Variants in PKHD1L1 observed in about 807,000 individuals in gnomAD.
PKHD1L1 encodes the protein PKHD1 like 1.
A neutral mutation model predicts 462.9 loss-of-function variants in PKHD1L1; 434 were observed. The observed-to-expected ratio is 0.94, with a 90% confidence interval of 0.87 to 1.02. The LOEUF is 1.02. Among genes scored for constraint, PKHD1L1 ranks in the 50% least tolerant of loss-of-function variants. The pLI is 0.00. For missense variants in PKHD1L1, 5,202 were observed against 5,096.1 expected (o/e 1.02, Z -0.63); for synonymous variants, 1,781 against 1,750.0 (o/e 1.02, Z -0.44).
intron 50 of PKHD1L1, chr8:109,470,126 G>A (rs1315559020): frequency 7.0e-6 from 4 of 569,310 alleles, no homozygotes; most frequent in African/African-American, 3.8e-5. Context: ...ACATAATAAA[G>A]TATATATTCC....
chr8:109,401,331 T>A (rs1010899242), intron 13 of PKHD1L1, among the ~76,000 whole-genome samples, 166 bp from the exon 14 acceptor site: 8 of 152,074 alleles, frequency 5.3e-5, no homozygotes, highest in Non-Finnish European at 1.0e-4. Context: ...AAAAAAAATT[T>A]ATAGCATAGT....
At chr8:109,440,929 T>C (rs1009882611) in intron 33 of PKHD1L1, 77 bp downstream of exon 33, 49 of 1,466,748 alleles carry the variant, frequency 3.3e-5, no homozygotes, top group Non-Finnish European at 3.9e-5. Context: ...TGAGTTATTA[T>C]ATGAATATTC....
At chr8:109,496,093 A>T (rs1251090420) in intron 63 of PKHD1L1, among the ~76,000 whole-genome samples, 1 of 152,220 alleles carries the variant, frequency 6.6e-6, no homozygotes, top group East Asian at 1.9e-4. Flanking sequence ...AACTTTCCCA[A>T]GATAATGCAT....
intron 71 of PKHD1L1, among the ~76,000 whole-genome samples, chr8:109,514,265 T>G (rs1245160993): frequency 6.6e-6 from 1 of 152,180 alleles, no homozygotes; most frequent in Non-Finnish European, 1.5e-5. Flanking sequence ...TCACGCCTCC[T>G]TGCTTGGCTC....
At chr8:109,404,735 T>C in intron 15 of PKHD1L1, 22 bp downstream of exon 15, 5 of 1,570,204 alleles carry the variant, frequency 3.2e-6, no homozygotes, top group Non-Finnish European at 4.3e-6. Context: ...TTGCAGTTCC[T>C]CTTACAGAAA....
chr8:109,475,296 A>T, intron 51 of PKHD1L1, 27 bp downstream of exon 51: 1 of 1,528,508 alleles, frequency 6.5e-7, no homozygotes, highest in South Asian at 1.2e-5. Flanking sequence ...TCTAATGATT[A>T]TAATTGTGTA....
chr8:109,384,930 C>A (rs1251052850), intron 5 of PKHD1L1, among the ~76,000 whole-genome samples: 1 of 151,710 alleles, frequency 6.6e-6, no homozygotes, highest in Non-Finnish European at 1.5e-5. Flanking sequence ...CTTTATATAT[C>A]CTTAAAAAAG....
At chr8:109,455,778 A>G (rs891168771) in intron 45 of PKHD1L1, among the ~76,000 whole-genome samples, 1 of 152,182 alleles carries the variant, frequency 6.6e-6, no homozygotes, top group African/African-American at 2.4e-5. Context: ...GCAATAATCT[A>G]TCCCCTTTAT....
Position 109,433,228 on chromosome 8 carries a change from TA to T in PKHD1L1, c.3340+17del, listed in dbSNP as rs1295621094. 10 of 1,556,726 alleles carry T rather than the reference TA, an allele frequency of 6.4e-6. No homozygotes were observed. The highest frequency in any genetic ancestry group is 8.8e-6 in the Non-Finnish European group (10 of 1,131,446). ...TCTTTCTGTGGATGGTAGGTCCTTTTAAAAACTATTAAGTCTAATTGTTCTT... is the reference window on the plus strand; with the variant it reads ...TCTTTCTGTGGATGGTAGGTCCTTTTAAAACTATTAAGTCTAATTGTTCTT... On this transcript the variant is annotated intron_variant, in intron 28 of 77. Coordinates refer to ENST00000378402, the MANE Select transcript of PKHD1L1 (RefSeq NM_177531.6).
rs1783146 is a variant in PKHD1L1, at chr8:109,461,418, G to A, written c.7247-354G>A. On this transcript the variant is annotated intron_variant, in intron 47 of 77. Coordinates refer to ENST00000378402, the MANE Select transcript of PKHD1L1 (RefSeq NM_177531.6). ...TAAGTGACATAATGCATATTCTCAT[G>A]TTCTACAAATATAAAATTGCATTGA... Among the ~76,000 whole-genome samples, 13 of 152,214 alleles carry A rather than the reference G, an allele frequency of 8.5e-5. No individual in the cohort carries two copies. In the East Asian group the frequency reaches 2.3e-3, roughly 27 times the overall value.
chr8:109,490,882 G>C, intron 60 of PKHD1L1, 90 bp from the exon 61 acceptor site: 1 of 1,188,518 alleles, frequency 8.4e-7, no homozygotes, highest in Non-Finnish European at 1.1e-6. Context: ...ATTGATAAAG[G>C]TTTGTTTACT....
At chr8:109,516,352 G>A (rs567276933) in intron 72 of PKHD1L1, among the ~76,000 whole-genome samples, 3 of 152,114 alleles carry the variant, frequency 2.0e-5, no homozygotes, top group South Asian at 4.1e-4. Context: ...TTCTTTGCTC[G>A]GCTTGCAGAT....
At chr8:109,463,716 C>T (rs759339412) in intron 48 of PKHD1L1, among the ~76,000 whole-genome samples, 1 of 152,132 alleles carries the variant, frequency 6.6e-6, no homozygotes, top group African/African-American at 2.4e-5. Context: ...TAACCATAAA[C>T]AAGATGCTCA....
chr8:109,431,584 T>C (rs1250854801), intron 27 of PKHD1L1, among the ~76,000 whole-genome samples: 2 of 152,150 alleles, frequency 1.3e-5, no homozygotes, highest in African/African-American at 4.8e-5. Context: ...ACAAATGAAA[T>C]ATTACAATGT....
In PKHD1L1 at chr8:109,413,514, C is replaced by T; in HGVS notation, c.2329C>T (p.Gln777Ter). 4 of 1,563,944 alleles carry T rather than the reference C, an allele frequency of 2.6e-6. No homozygotes were observed. Among genetic ancestry groups the T allele is most frequent in the Admixed American group, 1.9e-5 (1 of 52,836 alleles). Residue 777 changes from glutamine to a stop codon, truncating the protein, a stop_gained, in exon 21 of 78, where the codon CAG becomes TAG. Coordinates refer to ENST00000378402, the MANE Select transcript of PKHD1L1 (RefSeq NM_177531.6). LOFTEE classifies it high-confidence loss of function. ...NSKITRSTDT[Q>*]FTYNFAYGNN... ...CAAGATTACTAGAAGCACTGATACA[C>T]AGTTTACATACAACTTTGCTTATGG...
At chr8:109,380,010 G>T (rs764772755) in intron 2 of PKHD1L1, among the ~76,000 whole-genome samples, 4 of 152,118 alleles carry the variant, frequency 2.6e-5, no homozygotes, top group Non-Finnish European at 4.4e-5. Flanking sequence ...AGGCAGTTAG[G>T]GGCTCAGATT....
At chr8:109,393,601 G>C (rs966081502) in intron 9 of PKHD1L1, among the ~76,000 whole-genome samples, 3 of 152,158 alleles carry the variant, frequency 2.0e-5, no homozygotes, top group African/African-American at 7.2e-5. Context: ...TAATACACAC[G>C]TGAGGAGCCA....
chr8:109,434,218 T>C (rs1815267309), intron 28 of PKHD1L1, among the ~76,000 whole-genome samples: 1 of 152,098 alleles, frequency 6.6e-6, no homozygotes. Flanking sequence ...CTGCATGTTC[T>C]GCACAGGTAT....
Position 109,404,672 on chromosome 8 carries a change from C to A in PKHD1L1, c.1492C>A (p.Gln498Lys). 2 of 1,607,532 alleles carry A rather than the reference C, an allele frequency of 1.2e-6. No homozygotes were observed. The highest frequency in any genetic ancestry group is 1.3e-5 in the African/African-American group (1 of 74,770). The change falls in exon 15 of 78, where the codon CAA (glutamine) becomes AAA (lysine). Residue 498 changes from glutamine (Q) to lysine (K), a missense_variant. By Grantham distance (53) the Gln-to-Lys change is moderately conservative (BLOSUM62 1). Transcript: ENST00000378402. Reference protein sequence around the residue: ...QQTGDAVNEEQVIKSQSTILQ... With the variant: ...QQTGDAVNEEKVIKSQSTILQ... ...AACAGGAGATGCAGTGAATGAAGAA[C>A]AAGTTATCAAATCCCAGTCGACAAT... is the stretch of plus-strand genomic sequence containing the variant.
Sources: allele counts gnomAD v4.1 joint callset (sites outside exome capture counted in the v4.1 genomes callset), GRCh38; gene constraint gnomAD v4.1.1; transcripts MANE v1.5; gene names NCBI Gene and HGNC (gene_info 2026-07-23, HGNC 2026-07-21).